The following TFDP2 variants were observed in gnomAD, a reference collection of about 807,000 sequenced individuals.
TFDP2 encodes transcription factor Dp-2 (E2F dimerization partner 2).
A neutral mutation model predicts 59.3 loss-of-function variants in TFDP2; 17 were observed. That is an observed-to-expected ratio of 0.29 (90% CI 0.20 to 0.43). The LOEUF (loss-of-function observed/expected upper bound fraction) is 0.43. TFDP2 is among the 20% of genes least tolerant of loss of function. The probability of loss-of-function intolerance (pLI) is 1.00; values close to 1 mark genes in which losing one functional copy is unlikely to be tolerated. For synonymous variants in TFDP2, 180 were observed against 194.7 expected (o/e 0.92, Z 0.63); for missense variants, 391 against 528.8 (o/e 0.74, Z 2.56).
chr3:141,984,823 AT>A (rs1403213718), intron 6 of TFDP2, among the ~76,000 whole-genome samples: 2 of 152,214 alleles, frequency 1.3e-5, no homozygotes, highest in Admixed American at 1.3e-4. Flanking sequence ...TGTATTATGT[AT>A]TTCATCATCA....
At chr3:142,097,837 G>A (rs1300482131) in intron 2 of TFDP2, among the ~76,000 whole-genome samples, 1 of 151,748 alleles carries the variant, frequency 6.6e-6, no homozygotes, top group Admixed American at 6.6e-5. Flanking sequence ...CCAGGCTAGA[G>A]TGTAGTGGCA....
At chr3:141,974,456 G>A (rs916721725) in intron 7 of TFDP2, among the ~76,000 whole-genome samples, 4 of 152,076 alleles carry the variant, frequency 2.6e-5, no homozygotes, top group African/African-American at 4.8e-5. Context: ...GATCTACACT[G>A]AAATATACTA....
intron 9 of TFDP2, among the ~76,000 whole-genome samples, chr3:141,967,776 TA>T (rs559792135): frequency 5.1e-4 from 77 of 152,074 alleles, no homozygotes; most frequent in Non-Finnish European, 9.4e-4. Context: ...TTCAAGACTT[TA>T]AAAAATAAAA....
chr3:141,968,337 AATAT>A lies in TFDP2; in HGVS notation c.732+1732_732+1735del, dbSNP rs1246598689. Reference sequence around the variant, plus strand: ...ACTATATATAACATATAATATATATAATATATAACTATATATAACATATATCTCA... The same window carrying A: ...ACTATATATAACATATAATATATATAATAACTATATATAACATATATCTCA... On this transcript the variant is annotated intron_variant, in intron 9 of 12. Coordinates refer to ENST00000489671, the MANE Select transcript of TFDP2 (RefSeq NM_001178139.2). Among the ~76,000 whole-genome samples, 2 of 119,642 alleles carry A rather than the reference AATAT, an allele frequency of 1.7e-5. 1 individual carries two copies. Among genetic ancestry groups the A allele is most frequent in the Non-Finnish European group, 3.6e-5 (2 of 55,636 alleles). The allele number at this position is 119,642 out of a possible 152,430, so 78.5% of individuals were successfully genotyped here.
At chr3:141,967,085 T>C (rs1479506175) in intron 9 of TFDP2, among the ~76,000 whole-genome samples, 1 of 151,448 alleles carries the variant, frequency 6.6e-6, no homozygotes, top group Non-Finnish European at 1.5e-5. Flanking sequence ...CCTGGCTAAT[T>C]TTTTTATTTT....
chr3:142,055,195 T>C (rs1210656916), intron 3 of TFDP2, among the ~76,000 whole-genome samples: 1 of 152,212 alleles, frequency 6.6e-6, no homozygotes, highest in African/African-American at 2.4e-5. Context: ...TATTTTAGAT[T>C]ATCATAAAAC....
intron 3 of TFDP2, 147 bp from the exon 4 acceptor site, chr3:142,005,691 GAA>G (rs1944152634): frequency 2.0e-6 from 1 of 510,522 alleles, no homozygotes; most frequent in South Asian, 3.5e-5. Context: ...ACACCTTACT[GAA>G]AAGTCATACT....
At chr3:142,101,539 T>G (rs999552082) in intron 2 of TFDP2, among the ~76,000 whole-genome samples, 196 bp downstream of exon 2, 2 of 152,316 alleles carry the variant, frequency 1.3e-5, no homozygotes, top group South Asian at 4.1e-4. Flanking sequence ...TTTGCAAGAA[T>G]GCTACTATCT....
At chr3:141,974,672 T>C (rs1419511460) in intron 7 of TFDP2, among the ~76,000 whole-genome samples, 5 of 152,024 alleles carry the variant, frequency 3.3e-5, no homozygotes, top group Non-Finnish European at 7.4e-5. Flanking sequence ...AAAAAGGTAT[T>C]GGAGGTAAAG....
intron 9 of TFDP2, among the ~76,000 whole-genome samples, chr3:141,969,448 T>A (rs888669330): frequency 2.7e-5 from 4 of 150,648 alleles, no homozygotes; most frequent in African/African-American, 9.8e-5. Flanking sequence ...CCGTCTCTAC[T>A]AAAAATACGA....
At chr3:142,084,831 G>C (rs2060757097) in intron 3 of TFDP2, among the ~76,000 whole-genome samples, 1 of 152,180 alleles carries the variant, frequency 6.6e-6, no homozygotes, top group Non-Finnish European at 1.5e-5. Flanking sequence ...GGGAAACATA[G>C]TGGCGTGGCA....
intron 6 of TFDP2, among the ~76,000 whole-genome samples, chr3:141,990,472 C>T (rs1942641470): frequency 6.6e-6 from 1 of 152,050 alleles, no homozygotes; most frequent in South Asian, 2.1e-4. Context: ...ACAAGTTTCA[C>T]CATAAAAAAC....
chr3:142,128,587 A>T (rs1003063627), intron 1 of TFDP2, among the ~76,000 whole-genome samples: 1 of 152,154 alleles, frequency 6.6e-6, no homozygotes, highest in Non-Finnish European at 1.5e-5. Context: ...ACTGAGGAAA[A>T]TCTCTAACAT....
intron 1 of TFDP2, among the ~76,000 whole-genome samples, chr3:142,141,233 T>C (rs1457984346): frequency 6.6e-6 from 1 of 152,198 alleles, no homozygotes; most frequent in African/African-American, 2.4e-5. Flanking sequence ...GAAAGTCCAG[T>C]ATTTGGACGA....
At position 142,038,035 on chromosome 3, in the gene TFDP2, A is replaced by G. The variant is rs1454714123; in HGVS notation, c.83-32491T>C. ...TATTTTAAGGGGTTTGACATTTATTACCAATTTGCTTCCCAAGAGTGCTTG... is the reference window on the plus strand; with the variant it reads ...TATTTTAAGGGGTTTGACATTTATTGCCAATTTGCTTCCCAAGAGTGCTTG... On this transcript the variant is annotated intron_variant, in intron 3 of 12. Coordinates refer to ENST00000489671, the MANE Select transcript of TFDP2 (RefSeq NM_001178139.2). Among the ~76,000 whole-genome samples, 3 of 152,160 alleles carry G rather than the reference A, an allele frequency of 2.0e-5. No individual in the cohort carries two copies. The South Asian group carries it at 6.2e-4, about 32-fold the overall frequency.
chr3:141,967,783 TA>T (rs1016009780), intron 9 of TFDP2, among the ~76,000 whole-genome samples: 1 of 151,796 alleles, frequency 6.6e-6, no homozygotes, highest in East Asian at 1.9e-4. Flanking sequence ...CTTTAAAAAA[TA>T]AAAAAACAAT....
chr3:142,006,809 C>T (rs566818843), intron 3 of TFDP2, among the ~76,000 whole-genome samples: 33 of 151,758 alleles, frequency 2.2e-4, no homozygotes, highest in Non-Finnish European at 4.1e-4. Flanking sequence ...GAGAGTCTTG[C>T]TCTGTCACCC....
At chr3:142,008,087 G>T (rs1008428036) in intron 3 of TFDP2, among the ~76,000 whole-genome samples, 3 of 152,094 alleles carry the variant, frequency 2.0e-5, no homozygotes, top group African/African-American at 7.2e-5. Flanking sequence ...AATACTGGCT[G>T]TCCGGTGGAA....
chr3:141,977,106 A>ATATATT (rs1371079134), intron 7 of TFDP2, among the ~76,000 whole-genome samples: 1 of 97,524 alleles, frequency 1.0e-5, no homozygotes, highest in African/African-American at 4.2e-5. Context: ...ATATATATAT[A>ATATATT]TTTTTTTTTT....
Sources: gnomAD v4.1 joint callset for allele counts (sites outside exome capture counted in the v4.1 genomes callset) on GRCh38, gnomAD v4.1.1 for gene constraint, MANE v1.5 for transcripts, NCBI Gene and HGNC (gene_info 2026-07-23, HGNC 2026-07-21) for gene names.